The following DPY19L3 variants were observed in gnomAD, a reference collection of about 807,000 sequenced individuals.
DPY19L3 encodes the protein dpy-19 like C-mannosyltransferase 3.
DPY19L3 carries 51 observed loss-of-function variants against 92.3 expected under a neutral mutation model. The ratio of observed to expected loss-of-function variants is 0.55; its 90% confidence interval spans 0.44 to 0.70. DPY19L3 has a LOEUF of 0.70. Among genes scored for constraint, DPY19L3 ranks in the 30% least tolerant of loss-of-function variants. DPY19L3 has a pLI of 0.00. For synonymous variants in DPY19L3, 309 were observed against 315.2 expected (o/e 0.98, Z 0.21); for missense variants, 706 against 855.9 (o/e 0.82, Z 2.18).
chr19:32,481,966 A>G, intron 18 of DPY19L3, 113 bp from the exon 19 acceptor site: 3 of 1,199,992 alleles, frequency 2.5e-6, no homozygotes, highest in Non-Finnish European at 2.3e-6. Context: ...GAAATAATAT[A>G]ATTTAATTTC....
At chr19:32,432,895 T>C in intron 4 of DPY19L3, 89 bp downstream of exon 4, 1 of 1,025,400 alleles carries the variant, frequency 9.8e-7, no homozygotes, top group Non-Finnish European at 1.5e-6. Context: ...ACCACTTAAA[T>C]GCTCTCTAGA....
chr19:32,408,940 A>G (rs1968081291), intron 2 of DPY19L3, among the ~76,000 whole-genome samples: 2 of 152,208 alleles, frequency 1.3e-5, no homozygotes, highest in Admixed American at 1.3e-4. Flanking sequence ...TAACTAAAGC[A>G]TGGTCAGGAT....
chr19:32,437,265 C>G lies in DPY19L3; in HGVS notation c.522C>G (p.Leu174=), dbSNP rs952701591. The change falls in exon 6 of 19, where the codon CTC becomes CTG. Residue 174 remains leucine (L), a synonymous_variant. Transcript: ENST00000392250. The stretch of plus-strand genomic sequence containing the variant: ...TCCAGGCGATCTATGTCACAGCTCT[C>G]TACATAACCAGCTGGCTACTCAGTG... ...FGLQAIYVTA[L]YITSWLLSGT... 2.4e-5 allele frequency: 39 copies of G among 1,614,166 alleles called. No homozygotes were observed. Among genetic ancestry groups the G allele is most frequent in the Non-Finnish European group, 3.1e-5 (37 of 1,180,026 alleles).
At chr19:32,420,083 C>T (rs1343024483) in intron 3 of DPY19L3, among the ~76,000 whole-genome samples, 5 of 151,994 alleles carry the variant, frequency 3.3e-5, no homozygotes, top group Non-Finnish European at 7.4e-5. Context: ...TGGTCTCGAT[C>T]TCTTGACCTC....
Position 32,408,541 on chromosome 19 carries a change from G to A in DPY19L3, c.103+185G>A, listed in dbSNP as rs564983518. Among the ~76,000 whole-genome samples, 4 of 152,300 alleles carry A rather than the reference G, an allele frequency of 2.6e-5. No homozygotes were observed. In the South Asian group the frequency reaches 8.3e-4, roughly 32 times the overall value. On this transcript the variant is annotated intron_variant, in intron 2 of 18. Coordinates refer to ENST00000392250, the MANE Select transcript of DPY19L3 (RefSeq NM_001172774.2). ...TTATGATTTGACAAAAGATGAAAGAGCTTTGATTAGAAGTGTTTGTCAGCT... is the reference window on the plus strand; with the variant it reads ...TTATGATTTGACAAAAGATGAAAGAACTTTGATTAGAAGTGTTTGTCAGCT...
intron 16 of DPY19L3, among the ~76,000 whole-genome samples, chr19:32,471,779 G>T (rs923253124): frequency 6.6e-6 from 1 of 152,102 alleles, no homozygotes; most frequent in Non-Finnish European, 1.5e-5. Context: ...TTTTTTATAG[G>T]CTGAAGAGAT....
At chr19:32,437,575 C>T (rs1208664957) in intron 6 of DPY19L3, among the ~76,000 whole-genome samples, 1 of 152,138 alleles carries the variant, frequency 6.6e-6, no homozygotes, top group African/African-American at 2.4e-5. Context: ...GAAAATCATT[C>T]ATAATAATCC....
chr19:32,477,621 T>C lies in DPY19L3; in HGVS notation c.1797T>C (p.Tyr599=), dbSNP rs903396670. The change falls in exon 17 of 19, where the codon TAT becomes TAC. Residue 599 remains tyrosine, a synonymous_variant. Transcript: ENST00000392250. The part of the protein sequence containing the change: ...TGRTLTNHPH[Y]EDSSLRERTR... ...GGACCCTAACCAACCACCCGCACTA[T>C]GAAGACAGCAGCCTGAGAGAGCGGA... 1.2e-6 allele frequency: 2 copies of C among 1,614,026 alleles called. No homozygotes were observed. The highest frequency in any genetic ancestry group is 1.3e-5 in the African/African-American group (1 of 74,902).
chr19:32,425,348 C>G (rs1968721473), intron 3 of DPY19L3, among the ~76,000 whole-genome samples: 1 of 152,014 alleles, frequency 6.6e-6, no homozygotes, highest in African/African-American at 2.4e-5. Context: ...GTCAGGAGTT[C>G]AAGACCAGCC....
intron 1 of DPY19L3, among the ~76,000 whole-genome samples, chr19:32,407,611 G>A (rs903822448): frequency 1.3e-5 from 2 of 152,142 alleles, no homozygotes; most frequent in African/African-American, 4.8e-5. Context: ...AGATCAGCCG[G>A]AACTGGAATG....
intron 1 of DPY19L3, among the ~76,000 whole-genome samples, chr19:32,407,538 AAT>A (rs753075411): frequency 6.6e-6 from 1 of 152,210 alleles, no homozygotes; most frequent in Non-Finnish European, 1.5e-5. Context: ...AGTAGAAAAT[AAT>A]ATACAACTGT....
chr19:32,442,070 C>A (rs530024381), intron 8 of DPY19L3, among the ~76,000 whole-genome samples: 5 of 152,254 alleles, frequency 3.3e-5, no homozygotes, highest in African/African-American at 1.2e-4. Flanking sequence ...AGTGATTTAA[C>A]TTAGTTTCTT....
Position 32,464,725 on chromosome 19 carries a change from T to C in DPY19L3, c.1558-3T>C, listed in dbSNP as rs367978369. 5 of 1,441,786 alleles carry C rather than the reference T, an allele frequency of 3.5e-6. No individual in the cohort carries two copies. The highest frequency in any genetic ancestry group is 4.7e-6 in the Non-Finnish European group (5 of 1,055,622). The allele number at this position is 1,441,786 out of a possible 1,614,324, so 89.3% of individuals were successfully genotyped here. ...TAATCTAAATAATGTCTTTCTTATATAGATATGTATAATGCGATATTCAGT... is the reference window on the plus strand; with the variant it reads ...TAATCTAAATAATGTCTTTCTTATACAGATATGTATAATGCGATATTCAGT... On this transcript the variant is annotated splice_region_variant and splice_polypyrimidine_tract_variant and intron_variant, in intron 14 of 18. Coordinates refer to ENST00000392250, the MANE Select transcript of DPY19L3 (RefSeq NM_001172774.2).
At chr19:32,476,944 T>C (rs957137916) in intron 16 of DPY19L3, among the ~76,000 whole-genome samples, 5 of 152,316 alleles carry the variant, frequency 3.3e-5, no homozygotes, top group South Asian at 2.1e-4. Context: ...TTTTTCCTTA[T>C]TGCTTTTTTA....
intron 9 of DPY19L3, among the ~76,000 whole-genome samples, chr19:32,454,307 G>A (rs1969797402): frequency 6.6e-6 from 1 of 152,188 alleles, no homozygotes; most frequent in African/African-American, 2.4e-5. Context: ...AGGCGTGGTG[G>A]CTCACACCTG....
At chr19:32,475,605 A>C (rs143718163) in intron 16 of DPY19L3, among the ~76,000 whole-genome samples, 1 of 152,230 alleles carries the variant, frequency 6.6e-6, no homozygotes, top group Non-Finnish European at 1.5e-5. Context: ...TAGCAATTAC[A>C]CTCTAGGTAA....
intron 14 of DPY19L3, among the ~76,000 whole-genome samples, chr19:32,464,352 T>C (rs1599663096): frequency 6.6e-6 from 1 of 152,194 alleles, no homozygotes; most frequent in South Asian, 2.1e-4. Context: ...AGCCTATAAA[T>C]GCAGTTTTGA....
intron 3 of DPY19L3, among the ~76,000 whole-genome samples, chr19:32,422,925 T>A (rs916143698): frequency 3.3e-5 from 5 of 152,250 alleles, no homozygotes; most frequent in African/African-American, 1.2e-4. Flanking sequence ...AGACCATGAA[T>A]GATGCCTAGA....
At position 32,439,230 on chromosome 19, in the gene DPY19L3, T is replaced by G. The variant is rs1263824151; in HGVS notation, c.715T>G (p.Ser239Ala). The change falls in exon 7 of 19, where the codon TCT becomes GCT. Residue 239 changes from serine (S) to alanine (A), a missense_variant. Transcript: ENST00000392250. Reference protein sequence around the residue: ...YFLRPNLQPLSERLTLLAIFI... With the variant: ...YFLRPNLQPLAERLTLLAIFI... ...CCTGAGACCAAACTTACAGCCTCTTTCTGAAGTAAGTGTTTATAAAATTTC... is the reference window on the plus strand; with the variant it reads ...CCTGAGACCAAACTTACAGCCTCTTGCTGAAGTAAGTGTTTATAAAATTTC... The G allele has an allele frequency of 6.2e-7, 1 of 1,610,452 alleles. No individual in the cohort carries two copies. The highest frequency in any genetic ancestry group is 1.1e-5 in the South Asian group (1 of 90,288).
Sources: allele counts gnomAD v4.1 joint callset (sites outside exome capture counted in the v4.1 genomes callset), GRCh38; gene constraint gnomAD v4.1.1; transcripts MANE v1.5; gene names NCBI Gene and HGNC (gene_info 2026-07-23, HGNC 2026-07-21).